Variants in MTR observed in about 807,000 individuals in gnomAD.
MTR encodes 5-methyltetrahydrofolate-homocysteine methyltransferase.
Under a neutral mutation model 154.8 loss-of-function variants are expected in MTR, and 84 were observed. The ratio of observed to expected loss-of-function variants is 0.54; its 90% CI spans 0.45 to 0.65. MTR has a LOEUF of 0.65. Ranked by LOEUF, MTR falls within the 30% of genes least tolerant of loss-of-function variation. The pLI is 0.00. For missense variants in MTR, 1,275 were observed against 1,570.2 expected (o/e 0.81, Z 3.18); for synonymous variants, 554 against 553.9 (o/e 1.00, Z 0.00).
rs1770449 is a variant in MTR, at chr1:236,874,861, T to C, written c.2594+15T>C. On this transcript the variant is annotated intron_variant, in intron 24 of 32. Transcript: ENST00000366577. ...ACCACTTCAAAGTAAGTTATACTAA[T>C]GAGCTTTGTCCTCACTTCAAATTTT... The C allele has an allele frequency of 0.34, 551,253 of 1,611,418 alleles. 99,398 individuals carry two copies. The highest frequency in any genetic ancestry group is 0.37 in the Middle Eastern group (2,258 of 6,054).
intron 22 of MTR, among the ~76,000 whole-genome samples, chr1:236,871,539 T>C (rs1665131546): frequency 6.6e-6 from 1 of 152,194 alleles, no homozygotes; most frequent in African/African-American, 2.4e-5. Context: ...AGCTTTGAAA[T>C]GTATGCCTTT....
At chr1:236,804,219 A>G (rs1443123456) in intron 2 of MTR, among the ~76,000 whole-genome samples, 2 of 152,294 alleles carry the variant, frequency 1.3e-5, no homozygotes, top group Non-Finnish European at 2.9e-5. Context: ...CTGTGTTCTC[A>G]ATGTTTGTGT....
At chr1:236,832,267 G>C (rs564423749) in intron 13 of MTR, among the ~76,000 whole-genome samples, 189 bp downstream of exon 13, 1 of 152,348 alleles carries the variant, frequency 6.6e-6, no homozygotes, top group East Asian at 1.9e-4. Flanking sequence ...TGAAGCTGCT[G>C]TTGTCAATAT....
At chr1:236,804,935 C>T (rs1435191669) in intron 2 of MTR, among the ~76,000 whole-genome samples, 1 of 151,696 alleles carries the variant, frequency 6.6e-6, no homozygotes, top group African/African-American at 2.4e-5. Flanking sequence ...CTTAACAATA[C>T]TTTGCAGAAT....
chr1:236,896,502 C>T (rs752112191), intron 31 of MTR, among the ~76,000 whole-genome samples: 6 of 152,182 alleles, frequency 3.9e-5, no homozygotes, highest in African/African-American at 1.2e-4. Context: ...TGAGTGGCTT[C>T]GAATAGATAT....
In MTR at chr1:236,838,501, A is replaced by G. The variant is rs1203347120; in HGVS notation, c.1417A>G (p.Ser473Gly). The change falls in exon 15 of 33, where the codon AGT becomes GGT. Residue 473 changes from serine (S) to glycine (G), a missense_variant. Physicochemically the swap from Ser to Gly is moderately conservative, Grantham distance 56. Transcript: ENST00000366577. ...AGGGAAGTGCATTGTCAATAGCATT[A>G]GTCTGAAGGAAGGAGAGGACGACTT... ...CQGKCIVNSI[S>G]LKEGEDDFLE... 1 of 1,614,050 alleles carries G rather than the reference A, an allele frequency of 6.2e-7. No individual in the cohort carries two copies. The highest frequency in any genetic ancestry group is 1.3e-5 in the African/African-American group (1 of 74,924).
intron 1 of MTR, chr1:236,800,265 C>G: frequency 1.0e-6 from 1 of 985,378 alleles, no homozygotes. Flanking sequence ...ACATACTTCA[C>G]TGTCTGTGGA....
chr1:236,811,871 A>G (rs1256891646), intron 5 of MTR, among the ~76,000 whole-genome samples: 1 of 152,208 alleles, frequency 6.6e-6, no homozygotes, highest in Non-Finnish European at 1.5e-5. Flanking sequence ...CAAAGTTGCA[A>G]TTTCTGAGAA....
intron 22 of MTR, among the ~76,000 whole-genome samples, chr1:236,865,924 T>G (rs1185971479): frequency 6.6e-6 from 1 of 152,206 alleles, no homozygotes; most frequent in Non-Finnish European, 1.5e-5. Context: ...AACTTAGGCT[T>G]AGAGAACTTG....
At chr1:236,842,780 A>G (rs996497296) in intron 15 of MTR, among the ~76,000 whole-genome samples, 8 of 91,408 alleles carry the variant, frequency 8.8e-5, no homozygotes. Flanking sequence ...TAAAAAAAAA[A>G]GATGTATATA....
chr1:236,826,985 G>A, intron 11 of MTR, 89 bp downstream of exon 11: 2 of 1,215,294 alleles, frequency 1.6e-6, no homozygotes, highest in East Asian at 2.4e-5. Flanking sequence ...GGGCTGAATT[G>A]TGTCCTTCCA....
At chr1:236,866,975 C>T (rs1259819258) in intron 22 of MTR, among the ~76,000 whole-genome samples, 3 of 152,332 alleles carry the variant, frequency 2.0e-5, no homozygotes, top group African/African-American at 7.2e-5. Flanking sequence ...TGTCTCCTAA[C>T]ATAATGGTAC....
intron 28 of MTR, among the ~76,000 whole-genome samples, chr1:236,890,646 T>C (rs1666265265): frequency 6.6e-6 from 1 of 152,210 alleles, no homozygotes; most frequent in Non-Finnish European, 1.5e-5. Flanking sequence ...AGGCCCCAAA[T>C]TGAAGAATCC....
rs543670297 is a variant in MTR at position 236,874,446 on chromosome 1, G to C, written c.2474-280G>C. Among the ~76,000 whole-genome samples the C allele has an allele frequency of 4.6e-5, 7 of 151,896 alleles. No individual in the cohort carries two copies. The South Asian group carries it at 1.5e-3, about 32-fold the overall frequency. ...AAAAATTAGCCAAGCTTGGTGGTGG[G>C]CACCTGTAATCGCAGCTACTCAGGA... On this transcript the variant is annotated intron_variant, in intron 23 of 32. Coordinates refer to ENST00000366577, the MANE Select transcript of MTR (RefSeq NM_000254.3).
chr1:236,847,547 A>G (rs1663654316), intron 15 of MTR, among the ~76,000 whole-genome samples: 1 of 152,246 alleles, frequency 6.6e-6, no homozygotes, highest in Admixed American at 6.5e-5. Context: ...TGTTTGATAA[A>G]GCTATAAATG....
At chr1:236,852,497 T>C (rs774282047) in intron 16 of MTR, 24 bp from the exon 17 acceptor site, 30 of 1,574,272 alleles carry the variant, frequency 1.9e-5, no homozygotes, top group Non-Finnish European at 2.5e-5. Flanking sequence ...GGGGAATCTT[T>C]TCATATTTTA....
At position 236,902,804 on chromosome 1, in the gene MTR, C is replaced by A. The variant is rs377725557; in HGVS notation, c.*5160C>A. On this transcript the variant is annotated 3_prime_UTR_variant, in exon 33 of 33. Coordinates refer to ENST00000366577, the MANE Select transcript of MTR (RefSeq NM_000254.3). ...GCGGCCCAAGTGATACTTTCTTTAC[C>A]GTCCCGTGAAGACAGCATATTGGCA... The A allele has an allele frequency of 2.6e-5, 4 of 152,076 alleles. No homozygotes were observed. Among genetic ancestry groups the A allele is most frequent in the African/African-American group, 9.7e-5 (4 of 41,374 alleles). The allele number at this position is 152,076 out of a possible 1,614,324, so 9.4% of individuals were successfully genotyped here.
chr1:236,894,446 C>A lies in MTR; in HGVS notation c.3294C>A (p.Gly1098=). ...ATTCTGGCATCCGTGACTACCTGGG[C>A]CTGTTTGCCGTTGCCTGCTTTGGGG... is the stretch of plus-strand genomic sequence containing the variant. The part of the protein sequence containing the change: ...PLHSGIRDYL[G]LFAVACFGVE... Residue 1098 remains glycine, a synonymous_variant, in exon 30 of 33, where the codon GGC becomes GGA. Transcript: ENST00000366577. The A allele has an allele frequency of 6.2e-7, 1 of 1,614,198 alleles. No individual in the cohort carries two copies. Among genetic ancestry groups the A allele is most frequent in the East Asian group, 2.2e-5 (1 of 44,878 alleles).
intron 25 of MTR, among the ~76,000 whole-genome samples, chr1:236,883,080 T>G (rs1041291185): frequency 1.3e-5 from 2 of 152,248 alleles, no homozygotes; most frequent in African/African-American, 4.8e-5. Context: ...ACCCTTGCTT[T>G]CTTTTTTCTT....
Sources: allele counts gnomAD v4.1 joint callset (sites outside exome capture counted in the v4.1 genomes callset), GRCh38; gene constraint gnomAD v4.1.1; transcripts MANE v1.5; gene names NCBI Gene and HGNC (gene_info 2026-07-23, HGNC 2026-07-21).